FHOD3: variants seen among roughly 807,000 people sequenced by gnomAD.
FHOD3 encodes the protein FH1/FH2 domain-containing protein 3.
Under a neutral mutation model 173.0 loss-of-function variants are expected in FHOD3, and 90 were observed. That is an observed-to-expected ratio of 0.52 (90% CI 0.44 to 0.62). FHOD3 has a LOEUF of 0.62. Among genes scored for constraint, FHOD3 ranks in the 20% least tolerant of loss-of-function variants. The pLI is 0.00. For missense variants in FHOD3, 1,945 were observed against 2,034.7 expected (o/e 0.96, Z 0.85); for synonymous variants, 828 against 823.0 (o/e 1.01, Z -0.10).
In FHOD3 at chr18:36,693,276, C is replaced by T. The variant is rs763622401; in HGVS notation, c.2089C>T (p.Arg697Trp). 19 of 1,613,804 alleles carry T rather than the reference C, an allele frequency of 1.2e-5. No individual in the cohort carries two copies. The highest frequency in any genetic ancestry group is 6.7e-5 in the East Asian group (3 of 44,874). Residue 697 changes from arginine (R) to tryptophan (W), a missense_variant, in exon 17 of 29, where the codon CGG becomes TGG. Arg to Trp is a moderately radical substitution (Grantham distance 101). Coordinates refer to ENST00000590592, the MANE Select transcript of FHOD3 (RefSeq NM_001281740.3). ...GGAGCTGAGAAGCCGGAGTGTGAGC[C>T]GGGGCAGAGCCGACCTCTCCTTGGA... ...EKELRSRSVS[R>W]GRADLSLDLT...
chr18:36,672,350 G>A (rs568750178), intron 14 of FHOD3, among the ~76,000 whole-genome samples: 20 of 152,112 alleles, frequency 1.3e-4, no homozygotes, highest in Non-Finnish European at 2.1e-4. Flanking sequence ...GGTAATTTTG[G>A]CCAGGCTCAC....
chr18:36,435,340 TG>T (rs1424360108), intron 3 of FHOD3, among the ~76,000 whole-genome samples: 7 of 152,250 alleles, frequency 4.6e-5, no homozygotes, highest in South Asian at 4.1e-4. Flanking sequence ...ACCATCTGTA[TG>T]TAAATAGTAT....
chr18:36,465,253 G>C (rs892484640), intron 3 of FHOD3, among the ~76,000 whole-genome samples: 3 of 152,152 alleles, frequency 2.0e-5, no homozygotes, highest in African/African-American at 7.2e-5. Context: ...GCTTGAACTC[G>C]GGAGGCGGAA....
chr18:36,332,900 A>C (rs1463498741), intron 1 of FHOD3, among the ~76,000 whole-genome samples: 5 of 152,208 alleles, frequency 3.3e-5, no homozygotes, highest in Non-Finnish European at 4.4e-5. Flanking sequence ...GTGGTTTTAA[A>C]GTGCAGCCAA....
chr18:36,323,993 GA>G, intron 1 of FHOD3, among the ~76,000 whole-genome samples: 1 of 152,352 alleles, frequency 6.6e-6, no homozygotes, highest in East Asian at 1.9e-4. Flanking sequence ...ATTCTCTGTT[GA>G]TTTTCCCTGT....
At chr18:36,465,773 G>A (rs939091685) in intron 3 of FHOD3, among the ~76,000 whole-genome samples, 2 of 152,082 alleles carry the variant, frequency 1.3e-5, no homozygotes, top group Non-Finnish European at 2.9e-5. Flanking sequence ...GTGTGTGGGC[G>A]TGGTGGGTTC....
chr18:36,738,522 G>T (rs1007392987), intron 20 of FHOD3, among the ~76,000 whole-genome samples: 9 of 152,162 alleles, frequency 5.9e-5, no homozygotes, highest in African/African-American at 2.2e-4. Flanking sequence ...CCTAACGTGG[G>T]TTATAAAAGT....
rs1456547493 is a variant in FHOD3, at chr18:36,459,234, G to T, written c.338-42698G>T. Among the ~76,000 whole-genome samples the T allele has an allele frequency of 5.3e-5, 8 of 152,212 alleles. No homozygotes were observed. The East Asian group carries it at 1.5e-3, about 29-fold the overall frequency. On this transcript the variant is annotated intron_variant, in intron 3 of 28. Transcript: ENST00000590592. ...CATCCTGATTGAGAAAGAGGAGCTT[G>T]CAGTCTAGTTGGGCAGATAAGTGAT... is the stretch of plus-strand genomic sequence containing the variant.
intron 3 of FHOD3, among the ~76,000 whole-genome samples, chr18:36,447,414 G>A (rs1175544780): frequency 6.6e-6 from 1 of 152,196 alleles, no homozygotes; most frequent in Non-Finnish European, 1.5e-5. Flanking sequence ...GCATGTGACA[G>A]TACTGTCTGG....
intron 20 of FHOD3, among the ~76,000 whole-genome samples, chr18:36,739,365 C>G (rs1268049855): frequency 6.6e-6 from 1 of 152,210 alleles, no homozygotes; most frequent in Non-Finnish European, 1.5e-5. Flanking sequence ...CCAGAAGGAG[C>G]AGTACTGTTC....
At chr18:36,752,722 A>T (rs1253666156) in intron 24 of FHOD3, among the ~76,000 whole-genome samples, 1 of 152,184 alleles carries the variant, frequency 6.6e-6, no homozygotes, top group Non-Finnish European at 1.5e-5. Flanking sequence ...TCCAATTTAT[A>T]TGTTAAGTTT....
At chr18:36,709,695 A>C in intron 18 of FHOD3, 1 of 361,038 alleles carries the variant, frequency 2.8e-6, no homozygotes. Flanking sequence ...GCCCCAGAAG[A>C]GAAACCTCTC....
At chr18:36,339,868 T>G (rs956613262) in intron 1 of FHOD3, among the ~76,000 whole-genome samples, 3 of 152,248 alleles carry the variant, frequency 2.0e-5, no homozygotes, top group Admixed American at 6.5e-5. Context: ...TCCTGCTTTT[T>G]GAACATTAGG....
chr18:36,413,029 T>C (rs1300645020), intron 3 of FHOD3, among the ~76,000 whole-genome samples: 2 of 152,214 alleles, frequency 1.3e-5, no homozygotes, highest in Non-Finnish European at 2.9e-5. Flanking sequence ...GATCTGGCAA[T>C]GGGCAGGGCC....
intron 2 of FHOD3, among the ~76,000 whole-genome samples, chr18:36,362,371 G>A (rs979197021): frequency 1.3e-5 from 2 of 152,232 alleles, no homozygotes; most frequent in East Asian, 3.8e-4. Flanking sequence ...TGGACATGTG[G>A]CATTAGGGGA....
At chr18:36,574,597 A>G (rs2058577951) in intron 5 of FHOD3, among the ~76,000 whole-genome samples, 1 of 152,104 alleles carries the variant, frequency 6.6e-6, no homozygotes, top group East Asian at 1.9e-4. Context: ...ATGTGATTAT[A>G]ATTGTAATCT....
rs775750887 is a variant in FHOD3 at position 36,730,713 on chromosome 18, A to G, written c.3485A>G (p.Asn1162Ser). The change falls in exon 20 of 29, where the codon AAT becomes AGT. Residue 1162 changes from asparagine to serine, a missense_variant. Transcript: ENST00000590592. Reference sequence around the variant, plus strand: ...GATTCCAAGAGGAGTAACGCCATCAATATTGGTCTGACGGTGCTGCCCCCT... The same window carrying G: ...GATTCCAAGAGGAGTAACGCCATCAGTATTGGTCTGACGGTGCTGCCCCCT... ...VLDSKRSNAI[N>S]IGLTVLPPPR... The G allele has an allele frequency of 5.6e-6, 9 of 1,614,106 alleles. No homozygotes were observed. Among genetic ancestry groups the G allele is most frequent in the Non-Finnish European group, 4.2e-6 (5 of 1,180,036 alleles).
At chr18:36,627,204 A>G (rs2034175557) in intron 10 of FHOD3, among the ~76,000 whole-genome samples, 1 of 152,222 alleles carries the variant, frequency 6.6e-6, no homozygotes, top group South Asian at 2.1e-4. Context: ...AGCTGGCTTG[A>G]GAAGTTAACA....
chr18:36,329,798 A>G (rs1045179823), intron 1 of FHOD3, among the ~76,000 whole-genome samples: 1 of 137,582 alleles, frequency 7.3e-6, no homozygotes, highest in Admixed American at 7.3e-5. Context: ...TCCCAACAGG[A>G]GAGGGAATTC....
Sources: gnomAD v4.1 joint callset for allele counts (sites outside exome capture counted in the v4.1 genomes callset) on GRCh38, gnomAD v4.1.1 for gene constraint, MANE v1.5 for transcripts, NCBI Gene and HGNC (gene_info 2026-07-23, HGNC 2026-07-21) for gene names.